Variants in RYR3 observed in about 807,000 individuals in gnomAD.
RYR3 encodes the protein ryanodine receptor 3, also known as brain ryanodine receptor-calcium release channel.
Under a neutral mutation model 584.3 loss-of-function variants are expected in RYR3, and 207 were observed. The ratio of observed to expected loss-of-function variants is 0.35; its 90% confidence interval spans 0.32 to 0.40. The LOEUF is 0.40. Ranked by LOEUF, RYR3 falls within the 10% of genes least tolerant of loss-of-function variation. The probability of loss-of-function intolerance (pLI) is 1.00; values close to 1 mark genes in which losing one functional copy is unlikely to be tolerated. For missense variants in RYR3, 5,616 were observed against 6,089.2 expected, an observed-to-expected ratio of 0.92 and a Z score of 2.59; for synonymous variants, 2,416 against 2,248.5, an observed-to-expected ratio of 1.07 and a Z score of -2.11.
chr15:33,694,338 G>T (rs1252585612), intron 38 of RYR3, among the ~76,000 whole-genome samples: 1 of 151,168 alleles, frequency 6.6e-6, no homozygotes, highest in Non-Finnish European at 1.5e-5. Context: ...TCCGCCTCCC[G>T]GGTTCACGCC....
At chr15:33,440,937 T>C (rs7165065) in intron 1 of RYR3, among the ~76,000 whole-genome samples, 68,300 of 152,014 alleles carry the variant, frequency 0.45, 15,466 homozygotes, top group East Asian at 0.57. Context: ...AGCTGTGGAT[T>C]TGGGAGCAGT....
At chr15:33,865,082 G>GTT in intron 103 of RYR3, 49 bp from the exon 104 acceptor site, 1 of 1,477,590 alleles carries the variant, frequency 6.8e-7, no homozygotes, top group Non-Finnish European at 9.4e-7. Flanking sequence ...CTGGGTTTTA[G>GTT]CTTTTACTGT....
intron 1 of RYR3, among the ~76,000 whole-genome samples, chr15:33,324,832 T>A (rs1969468992): frequency 6.6e-6 from 1 of 152,172 alleles, no homozygotes; most frequent in South Asian, 2.1e-4. Flanking sequence ...GACACAAAGT[T>A]AAAAACCCAA....
At chr15:33,541,473 C>A (rs180951175) in intron 7 of RYR3, among the ~76,000 whole-genome samples, 286 of 152,252 alleles carry the variant, frequency 1.9e-3, no homozygotes, top group Middle Eastern at 6.8e-3. Flanking sequence ...AATCAATACA[C>A]CTTTCAAGTT....
intron 102 of RYR3, among the ~76,000 whole-genome samples, chr15:33,861,963 C>G (rs546912725): frequency 6.6e-6 from 1 of 152,068 alleles, no homozygotes; most frequent in South Asian, 2.1e-4. Flanking sequence ...ATGCCTGGCA[C>G]CCAGTAGGCA....
At chr15:33,405,162 G>C (rs1471466004) in intron 1 of RYR3, among the ~76,000 whole-genome samples, 1 of 152,154 alleles carries the variant, frequency 6.6e-6, no homozygotes, top group Admixed American at 6.5e-5. Flanking sequence ...ATAAAACTTT[G>C]GTTTTCTTGC....
chr15:33,461,790 C>A (rs761494081), intron 1 of RYR3, among the ~76,000 whole-genome samples: 2 of 152,196 alleles, frequency 1.3e-5, no homozygotes, highest in Non-Finnish European at 2.9e-5. Flanking sequence ...TCAGATTCTT[C>A]TGGTCCTGAA....
At chr15:33,618,723 T>C (rs1222740334) in intron 19 of RYR3, among the ~76,000 whole-genome samples, 1 of 152,236 alleles carries the variant, frequency 6.6e-6, no homozygotes, top group Non-Finnish European at 1.5e-5. Flanking sequence ...ATGAGACATC[T>C]AGCAAGACTA....
At position 33,811,064 on chromosome 15, in the gene RYR3, C is replaced by T. The variant is rs200838536; in HGVS notation, c.10257+27C>T. 1.1e-4 allele frequency: 178 copies of T among 1,585,760 alleles called. 2 individuals carry two copies. In the East Asian group the frequency reaches 2.7e-3, roughly 24 times the overall value. On this transcript the variant is annotated intron_variant, in intron 72 of 103. Coordinates refer to ENST00000634891, the MANE Select transcript of RYR3 (RefSeq NM_001036.6). ...TGATGACTCAGGACAGCAGTGAGAA[C>T]TCACACCGGCTTTCCTTCTGGCTGC... is the stretch of plus-strand genomic sequence containing the variant.
intron 7 of RYR3, among the ~76,000 whole-genome samples, chr15:33,541,541 T>C (rs907605269): frequency 3.3e-5 from 5 of 152,154 alleles, no homozygotes; most frequent in Non-Finnish European, 5.9e-5. Context: ...CTGAGAAGAA[T>C]AATCAAATGT....
intron 2 of RYR3, among the ~76,000 whole-genome samples, chr15:33,484,291 GAA>G (rs2050223292): frequency 2.1e-5 from 1 of 48,542 alleles, no homozygotes; most frequent in Non-Finnish European, 6.3e-5. Context: ...AGGAAGAGAA[GAA>G]AAGGGCCCTA....
intron 1 of RYR3, among the ~76,000 whole-genome samples, chr15:33,371,602 G>T (rs2040336327): frequency 6.6e-6 from 1 of 152,214 alleles, no homozygotes; most frequent in African/African-American, 2.4e-5. Flanking sequence ...TTATAATCAT[G>T]TCAGGCAGTA....
intron 8 of RYR3, among the ~76,000 whole-genome samples, chr15:33,547,322 G>C (rs1224814493): frequency 6.6e-6 from 1 of 152,146 alleles, no homozygotes; most frequent in African/African-American, 2.4e-5. Context: ...ACGCAGTGTG[G>C]TATCCTGGAT....
chr15:33,814,543 A>G (rs1376068263), intron 74 of RYR3, among the ~76,000 whole-genome samples: 2 of 152,208 alleles, frequency 1.3e-5, no homozygotes, highest in African/African-American at 2.4e-5. Context: ...AGAGTAGCCT[A>G]TAACCTCGTC....
chr15:33,860,292 C>T (rs1337749683), intron 100 of RYR3, among the ~76,000 whole-genome samples: 1 of 152,110 alleles, frequency 6.6e-6, no homozygotes, highest in Non-Finnish European at 1.5e-5. Flanking sequence ...GAGCCTATCA[C>T]ACAGACTGAA....
At chr15:33,312,085 AACGTT>A (rs1967400406) in intron 1 of RYR3, among the ~76,000 whole-genome samples, 2 of 152,354 alleles carry the variant, frequency 1.3e-5, no homozygotes, top group East Asian at 3.9e-4. Flanking sequence ...ATAAGGATTA[AACGTT>A]ATCGTGAATG....
In RYR3 at chr15:33,453,433, AAAC is replaced by A. The variant is rs571715744; in HGVS notation, c.52-19981_52-19979del. Among the ~76,000 whole-genome samples the A allele has an allele frequency of 2.2e-3, 339 of 152,334 alleles. 1 individual carries two copies. Among genetic ancestry groups the A allele is most frequent in the South Asian group, 4.6e-3 (22 of 4,832 alleles). On this transcript the variant is annotated intron_variant, in intron 1 of 103. Coordinates refer to ENST00000634891, the MANE Select transcript of RYR3 (RefSeq NM_001036.6). Reference sequence around the variant, plus strand: ...TCCTACCATTGTATGTGGCTAAAGGAAACAACATTTGCTTCCATGATTGCCTGG... The same window carrying A: ...TCCTACCATTGTATGTGGCTAAAGGAAACATTTGCTTCCATGATTGCCTGG...
At chr15:33,458,866 C>A (rs1295950262) in intron 1 of RYR3, among the ~76,000 whole-genome samples, 1 of 152,186 alleles carries the variant, frequency 6.6e-6, no homozygotes, top group Non-Finnish European at 1.5e-5. Flanking sequence ...CCTTTGGATT[C>A]TTGATTGAAA....
chr15:33,613,813 T>C (rs2060317159), intron 19 of RYR3, among the ~76,000 whole-genome samples: 1 of 152,162 alleles, frequency 6.6e-6, no homozygotes, highest in African/African-American at 2.4e-5. Context: ...TTACACCGAA[T>C]ATGAAGTTTA....
Sources: allele counts gnomAD v4.1 joint callset (sites outside exome capture counted in the v4.1 genomes callset), GRCh38; gene constraint gnomAD v4.1.1; transcripts MANE v1.5; gene names NCBI Gene and HGNC (gene_info 2026-07-23, HGNC 2026-07-21).